Variants in HS3ST4 observed in about 807,000 individuals in gnomAD.
The protein encoded by HS3ST4 is heparan sulfate-glucosamine 3-sulfotransferase 4, also known as heparan sulfate glucosamine 3-O-sulfotransferase 4.
Under a neutral mutation model 29.2 loss-of-function variants are expected in HS3ST4, and 17 were observed. The observed-to-expected ratio is 0.58, with a 90% CI of 0.40 to 0.87. The LOEUF is 0.87. Ranked by LOEUF, HS3ST4 falls within the 40% of genes least tolerant of loss-of-function variation. The pLI is 0.00. For missense variants in HS3ST4, 627 were observed against 634.5 expected (o/e 0.99, Z 0.13); for synonymous variants, 314 against 285.7 (o/e 1.10, Z -1.00).
chr16:26,000,663 G>C (rs911383921), intron 1 of HS3ST4, among the ~76,000 whole-genome samples: 9 of 152,188 alleles, frequency 5.9e-5, no homozygotes, highest in Admixed American at 4.6e-4. Context: ...AGCTTTTACA[G>C]AGGCTGGTCC....
At chr16:25,828,292 CTTTCTTTCCCTCT>C (rs2141637807) in intron 1 of HS3ST4, among the ~76,000 whole-genome samples, 1 of 81,044 alleles carries the variant, frequency 1.2e-5, no homozygotes, top group Non-Finnish European at 2.4e-5. Flanking sequence ...TTCTTTCTTT[CTTTCTTTCCCTCT>C]CTCTCTCTCT....
Position 26,115,086 on chromosome 16 carries a change from C to T in HS3ST4, c.735-20526C>T, listed in dbSNP as rs189917862. 1.9e-3 allele frequency among the ~76,000 whole-genome samples: 283 copies of T among 152,116 alleles called. 1 individual carries two copies. Among genetic ancestry groups the T allele is most frequent in the African/African-American group, 6.5e-3 (268 of 41,514 alleles). On this transcript the variant is annotated intron_variant, in intron 1 of 1. Coordinates refer to ENST00000331351, the MANE Select transcript of HS3ST4 (RefSeq NM_006040.3). ...GATATGCAAAGATCTCAAGAAGTAT[C>T]GTTGAGTAGAATTCCAAATTTTAGA...
intron 1 of HS3ST4, among the ~76,000 whole-genome samples, chr16:25,885,905 C>T (rs1241907752): frequency 6.6e-6 from 1 of 151,318 alleles, no homozygotes; most frequent in African/African-American, 2.4e-5. Context: ...GCCTGTCCAA[C>T]ATGAGAGATT....
chr16:25,937,566 G>A (rs901289329), intron 1 of HS3ST4, among the ~76,000 whole-genome samples: 9 of 152,148 alleles, frequency 5.9e-5, no homozygotes, highest in Non-Finnish European at 8.8e-5. Flanking sequence ...ATGAAACCCC[G>A]AGTGGTGGTG....
chr16:25,943,454 C>A (rs965851643), intron 1 of HS3ST4, among the ~76,000 whole-genome samples: 1 of 152,068 alleles, frequency 6.6e-6, no homozygotes, highest in Admixed American at 6.6e-5. Context: ...CAGAAAAAGT[C>A]TCATATGGCA....
intron 1 of HS3ST4, among the ~76,000 whole-genome samples, chr16:26,066,926 T>C (rs1268797438): frequency 6.6e-6 from 1 of 152,302 alleles, no homozygotes; most frequent in African/African-American, 2.4e-5. Flanking sequence ...ATCAGCAAAT[T>C]TTATGTAGTA....
Position 25,780,035 on chromosome 16 carries a change from G to A in HS3ST4, c.734+86884G>A, listed in dbSNP as rs561402965. Among the ~76,000 whole-genome samples the A allele has an allele frequency of 4.1e-4, 62 of 152,276 alleles. No individual in the cohort carries two copies. The South Asian group carries it at 7.3e-3, about 18-fold the overall frequency. ...GATGAGAGTGTCCTAGGAGGCAAGC[G>A]GGCGCACAAGTGTGAACAGTTGTTT... On this transcript the variant is annotated intron_variant, in intron 1 of 1. Coordinates refer to ENST00000331351, the MANE Select transcript of HS3ST4 (RefSeq NM_006040.3).
At chr16:26,054,269 GGAGAGAGA>G (rs58364733) in intron 1 of HS3ST4, among the ~76,000 whole-genome samples, 14 of 133,646 alleles carry the variant, frequency 1.0e-4, no homozygotes, top group African/African-American at 2.9e-4. Flanking sequence ...ACAGAGAGAG[GGAGAGAGA>G]GAGAGAGAGA....
At chr16:25,832,160 A>G (rs4289000) in intron 1 of HS3ST4, among the ~76,000 whole-genome samples, 144,164 of 152,218 alleles carry the variant, frequency 0.95, 68,739 homozygotes, top group East Asian at 1. Flanking sequence ...TTCACTCAAC[A>G]TCTTCTTACT....
intron 1 of HS3ST4, among the ~76,000 whole-genome samples, chr16:26,103,323 A>C (rs1203911964): frequency 6.6e-6 from 1 of 152,138 alleles, no homozygotes; most frequent in Non-Finnish European, 1.5e-5. Context: ...ATAGCTAAGA[A>C]GTTGTAGTGT....
At chr16:25,826,561 A>C (rs1283232437) in intron 1 of HS3ST4, among the ~76,000 whole-genome samples, 1 of 152,194 alleles carries the variant, frequency 6.6e-6, no homozygotes, top group African/African-American at 2.4e-5. Flanking sequence ...GATATTATCA[A>C]GGAAATTGCA....
chr16:26,048,694 G>A (rs1192397351), intron 1 of HS3ST4, among the ~76,000 whole-genome samples: 1 of 152,128 alleles, frequency 6.6e-6, no homozygotes, highest in African/African-American at 2.4e-5. Context: ...ATAGCCAGGT[G>A]TGGTGGTGCA....
chr16:25,927,950 G>C (rs553251617), intron 1 of HS3ST4, among the ~76,000 whole-genome samples: 2 of 145,228 alleles, frequency 1.4e-5, no homozygotes, highest in Non-Finnish European at 3.0e-5. Flanking sequence ...TGTAATCTCA[G>C]CATTTTCTGA....
chr16:25,747,905 A>G (rs1192531485), intron 1 of HS3ST4, among the ~76,000 whole-genome samples: 1 of 152,176 alleles, frequency 6.6e-6, no homozygotes, highest in Non-Finnish European at 1.5e-5. Context: ...TTAATGTGTC[A>G]TCTGGCAAGC....
At chr16:25,999,686 A>G (rs2141732693) in intron 1 of HS3ST4, among the ~76,000 whole-genome samples, 1 of 147,964 alleles carries the variant, frequency 6.8e-6, no homozygotes, top group African/African-American at 2.5e-5. Flanking sequence ...CTTTAGACAC[A>G]TACTATGGGT....
At chr16:25,998,545 T>A (rs1969176971) in intron 1 of HS3ST4, among the ~76,000 whole-genome samples, 1 of 152,192 alleles carries the variant, frequency 6.6e-6, no homozygotes, top group South Asian at 2.1e-4. Context: ...ATTAGCTCCA[T>A]CATTGCAGAT....
In HS3ST4 at chr16:26,115,368, A is replaced by G. The variant is rs72780064; in HGVS notation, c.735-20244A>G. On this transcript the variant is annotated intron_variant, in intron 1 of 1. Transcript: ENST00000331351. ...TTTCCTTTGGGTAGCATAGAGAGAC[A>G]GGGGATTGGTTTCCAATGAAGACTT... is the stretch of plus-strand genomic sequence containing the variant. 2.6e-3 allele frequency among the ~76,000 whole-genome samples: 403 copies of G among 152,150 alleles called. 2 individuals are homozygous for G. The highest frequency in any genetic ancestry group is 4.7e-3 in the Admixed American group (72 of 15,280).
intron 1 of HS3ST4, among the ~76,000 whole-genome samples, chr16:25,956,001 A>C (rs1968728534): frequency 1.3e-5 from 2 of 151,832 alleles, no homozygotes; most frequent in African/African-American, 2.4e-5. Flanking sequence ...ATTTTAGTTG[A>C]GATGGGGTTT....
intron 1 of HS3ST4, among the ~76,000 whole-genome samples, chr16:26,026,048 A>G (rs969695230): frequency 6.6e-6 from 1 of 152,122 alleles, no homozygotes; most frequent in Non-Finnish European, 1.5e-5. Flanking sequence ...AGCTGGGACT[A>G]CAGGCGTGTG....
Sources: allele counts gnomAD v4.1 joint callset (sites outside exome capture counted in the v4.1 genomes callset), GRCh38; gene constraint gnomAD v4.1.1; transcripts MANE v1.5; gene names NCBI Gene and HGNC (gene_info 2026-07-23, HGNC 2026-07-21).